The following UBTF variants were observed in gnomAD, a reference collection of about 807,000 sequenced individuals.
The protein encoded by UBTF is nucleolar transcription factor 1.
Under a neutral mutation model 112.3 loss-of-function variants are expected in UBTF, and 8 were observed. The observed-to-expected ratio is 0.07, with a 90% CI of 0.04 to 0.13. The LOEUF (loss-of-function observed/expected upper bound fraction) is 0.13. Among genes scored for constraint, UBTF ranks in the 10% least tolerant of loss-of-function variants. UBTF has a pLI of 1.00. For missense variants in UBTF, 457 were observed against 982.1 expected (o/e 0.47, Z 7.15); for synonymous variants, 417 against 373.1 (o/e 1.12, Z -1.36).
At position 44,211,516 on chromosome 17, in the gene UBTF, G is replaced by A; in HGVS notation, c.1047+90C>T. On this transcript the variant is annotated intron_variant, in intron 10 of 20. Transcript: ENST00000436088. The surrounding 1 kb of genome is among the most constrained non-coding windows in gnomAD (Gnocchi z 4.9). ...ACTGTATTGGAGGCAGGTACCCAAGGCACACGCCACCAGGGACTGACTGGC... is the reference window on the plus strand; with the variant it reads ...ACTGTATTGGAGGCAGGTACCCAAGACACACGCCACCAGGGACTGACTGGC... The A allele has an allele frequency of 6.4e-7, 1 of 1,562,154 alleles. No individual in the cohort carries two copies. The highest frequency in any genetic ancestry group is 1.2e-5 in the South Asian group (1 of 84,580).
At chr17:44,220,263 C>G (rs113844752), upstream of UBTF, among the ~76,000 whole-genome samples, 1 of 151,120 alleles carries the variant, frequency 6.6e-6, no homozygotes, top group South Asian at 2.1e-4. Context: ...GAGGTGCCCC[C>G]GGCGTCCGGG....
At position 44,209,758 on chromosome 17, in the gene UBTF, C is replaced by T. The variant is rs778919324; in HGVS notation, c.1627-25G>A. 3.1e-6 allele frequency: 5 copies of T among 1,607,658 alleles called. No homozygotes were observed. In the Admixed American group the frequency reaches 8.4e-5, roughly 27 times the overall value. Reference sequence around the variant, plus strand: ...TCTGGAGGGAGAAAGGTCACGCTCACCCCCCAGTCCCACCCCCAAAATACT... The same window carrying T: ...TCTGGAGGGAGAAAGGTCACGCTCATCCCCCAGTCCCACCCCCAAAATACT... On this transcript the variant is annotated intron_variant, in intron 15 of 20. Coordinates refer to ENST00000436088, the MANE Select transcript of UBTF (RefSeq NM_014233.4).
upstream of UBTF, chr17:44,221,281 C>T (rs2047173437): frequency 6.6e-6 from 1 of 152,244 alleles, no homozygotes; most frequent in African/African-American, 2.4e-5. Context: ...CAGCCAAGCT[C>T]TGCAGCGCCC....
At chr17:44,212,090 C>A in intron 8 of UBTF, 84 bp from the exon 9 acceptor site, 1 of 1,471,462 alleles carries the variant, frequency 6.8e-7, no homozygotes, top group Non-Finnish European at 9.3e-7. Context: ...CTGGGGAGGG[C>A]AGGCAGGGAG....
At chr17:44,217,155 G>A (rs550736178) in intron 2 of UBTF, among the ~76,000 whole-genome samples, 6 of 152,282 alleles carry the variant, frequency 3.9e-5, no homozygotes, top group East Asian at 3.8e-4. Flanking sequence ...AATGTGCAAC[G>A]ACTGAGAATG....
At chr17:44,220,601 G>T (rs1165380490), upstream of UBTF, 1 of 152,060 alleles carries the variant, frequency 6.6e-6, no homozygotes, top group Non-Finnish European at 1.5e-5. Flanking sequence ...ACGGGCTCCG[G>T]CGGAGGGGCC....
upstream of UBTF, chr17:44,220,890 C>CCCACGCGCCGCGCT: frequency 6.6e-6 from 1 of 151,382 alleles, no homozygotes; most frequent in Non-Finnish European, 1.5e-5. Flanking sequence ...AATGGCGAGC[C>CCCACGCGCCGCGCT]CCACGCGCCG....
At position 44,216,676 on chromosome 17, in the gene UBTF, A is replaced by C. The variant is rs1229907380; in HGVS notation, c.87T>G (p.Thr29=). ...QDRWSQEDML[T]LLECMKNNLP... ...GGTTGTTCTTCATGCATTCCAGCAA[A>C]GTCAGCATGTCTTCCTGGGACCAAC... The change falls in exon 3 of 21, where the codon ACT becomes ACG. Residue 29 remains threonine, a synonymous_variant. Coordinates refer to ENST00000436088, the MANE Select transcript of UBTF (RefSeq NM_014233.4). The C allele has an allele frequency of 1.2e-6, 2 of 1,614,088 alleles. No homozygotes were observed. The highest frequency in any genetic ancestry group is 2.7e-5 in the African/African-American group (2 of 74,924).
intron 17 of UBTF, 171 bp downstream of exon 17, chr17:44,209,181 A>T (rs915080610): frequency 5.6e-5 from 38 of 682,256 alleles, no homozygotes; most frequent in Admixed American, 3.6e-4. Flanking sequence ...AATAAAAAAA[A>T]AAATAAAAAT....
intron 2 of UBTF, among the ~76,000 whole-genome samples, chr17:44,217,117 C>A: frequency 6.6e-6 from 1 of 152,104 alleles, no homozygotes. Context: ...AATGTGCTGC[C>A]AAGTTCAAGT....
chr17:44,210,521 G>A (rs901921873), intron 13 of UBTF, 48 bp from the exon 14 acceptor site: 6 of 1,513,232 alleles, frequency 4.0e-6, no homozygotes, highest in East Asian at 4.8e-5. Flanking sequence ...CCCAGGGGGC[G>A]CGCGCTCCCC....
chr17:44,210,744 G>A (rs1223134381), intron 13 of UBTF, 48 bp downstream of exon 13: 1 of 1,547,132 alleles, frequency 6.5e-7, no homozygotes, highest in South Asian at 1.2e-5. Flanking sequence ...GGAAGAGGGG[G>A]CCCTGGCAGC....
chr17:44,214,535 C>T (rs772740691), intron 5 of UBTF, among the ~76,000 whole-genome samples: 3 of 152,174 alleles, frequency 2.0e-5, no homozygotes, highest in Non-Finnish European at 4.4e-5. Flanking sequence ...CCTCTCCCTC[C>T]CATCCCATGA....
At chr17:44,212,981 C>G (rs1172596353) in intron 6 of UBTF, 42 bp from the exon 7 acceptor site, 1 of 1,606,318 alleles carries the variant, frequency 6.2e-7, no homozygotes, top group South Asian at 1.1e-5. Context: ...GGGGACGCTG[C>G]CAGGGCAGAC....
intron 13 of UBTF, 131 bp from the exon 14 acceptor site, chr17:44,210,604 GC>G (rs2056601501): frequency 1.4e-6 from 2 of 1,387,232 alleles, no homozygotes; most frequent in African/African-American, 1.5e-5. Context: ...CCTGGGGCTC[GC>G]CCCCGCCTGG....
chr17:44,219,315 C>T (rs1000879427), intron 1 of UBTF, 130 bp downstream of exon 1: 5 of 151,218 alleles, frequency 3.3e-5, no homozygotes, highest in Non-Finnish European at 5.9e-5. Flanking sequence ...CCCAAGTGCC[C>T]TGGTCTGCTC....
chr17:44,218,428 G>A (rs1022080557), intron 1 of UBTF, 132 bp from the exon 2 acceptor site: 6 of 571,652 alleles, frequency 1.0e-5, no homozygotes, highest in South Asian at 2.1e-5. Flanking sequence ...TAGACTTAAG[G>A]GGTCTATGGG....
chr17:44,218,755 G>C (rs2046993993), intron 1 of UBTF, among the ~76,000 whole-genome samples: 1 of 151,102 alleles, frequency 6.6e-6, no homozygotes. Flanking sequence ...CCCCCGGCCG[G>C]TTCCCCCCGC....
At chr17:44,219,951 C>T (rs531399839), upstream of UBTF, among the ~76,000 whole-genome samples, 1,450 of 150,158 alleles carry the variant, frequency 9.7e-3, 18 homozygotes, top group Middle Eastern at 0.014. Context: ...CCGCGGGGGG[C>T]AGCTGGGAGG....
Sources: gnomAD v4.1 joint callset for allele counts (sites outside exome capture counted in the v4.1 genomes callset) on GRCh38, gnomAD v4.1.1 for gene constraint, Gnocchi (gnomAD v3.1) non-coding constraint, MANE v1.5 for transcripts, NCBI Gene and HGNC (gene_info 2026-07-23, HGNC 2026-07-21) for gene names.